The following ATAD2B variants were observed in gnomAD, a reference collection of about 807,000 sequenced individuals.
The protein encoded by ATAD2B is ATPase family AAA domain-containing protein 2B.
Under a neutral mutation model 167.6 loss-of-function variants are expected in ATAD2B, and 40 were observed. That is an observed-to-expected ratio of 0.24 (90% CI 0.19 to 0.31). ATAD2B has a LOEUF of 0.31. ATAD2B is among the 10% of genes least tolerant of loss of function. The pLI is 1.00. For missense variants in ATAD2B, 1,242 were observed against 1,757.2 expected (o/e 0.71, Z 5.24); for synonymous variants, 579 against 596.5 (o/e 0.97, Z 0.43).
the ATAD2B span, among the ~76,000 whole-genome samples, chr2:23,723,971 A>C: frequency 1.1e-4 from 16 of 152,370 alleles, no homozygotes; most frequent in South Asian, 3.3e-3. Flanking sequence ...CATTTGCAGA[A>C]ACATGGATGG....
chr2:23,679,065 AAG>A, the ATAD2B span, among the ~76,000 whole-genome samples: 1 of 152,036 alleles, frequency 6.6e-6, no homozygotes, highest in Non-Finnish European at 1.5e-5. Flanking sequence ...AAAAAAAAAA[AAG>A]AATTAGCCTC....
At chr2:23,924,604 G>A (rs369460353) in intron 1 of ATAD2B, among the ~76,000 whole-genome samples, 1 of 152,172 alleles carries the variant, frequency 6.6e-6, no homozygotes, top group East Asian at 1.9e-4. Context: ...AAAGCAATTA[G>A]ATGACTACAT....
At chr2:23,716,180 C>G in the ATAD2B span, among the ~76,000 whole-genome samples, 1 of 152,186 alleles carries the variant, frequency 6.6e-6, no homozygotes, top group African/African-American at 2.4e-5. Context: ...TTTGTTGCCA[C>G]AGTGAAATTG....
the ATAD2B span, among the ~76,000 whole-genome samples, chr2:23,687,731 TG>T: frequency 6.6e-6 from 1 of 151,690 alleles, no homozygotes. Flanking sequence ...GGCAGACAAG[TG>T]GGGAAGAGCA....
chr2:23,711,729 T>C, the ATAD2B span, among the ~76,000 whole-genome samples: 3 of 152,084 alleles, frequency 2.0e-5, no homozygotes, highest in Non-Finnish European at 4.4e-5. Flanking sequence ...CTATTTTGGG[T>C]ACCATAAGCA....
At chr2:23,743,297 T>C in the ATAD2B span, among the ~76,000 whole-genome samples, 1 of 152,164 alleles carries the variant, frequency 6.6e-6, no homozygotes, top group Non-Finnish European at 1.5e-5. Context: ...CCAGGCGCAG[T>C]AGCTCATGCC....
intron 17 of ATAD2B, among the ~76,000 whole-genome samples, chr2:23,813,220 G>C (rs1046447727): frequency 6.6e-6 from 1 of 151,076 alleles, no homozygotes; most frequent in African/African-American, 2.4e-5. Flanking sequence ...ATCACTATAT[G>C]AAAGAATTTC....
At chr2:23,781,431 G>A (rs767584641) in intron 22 of ATAD2B, among the ~76,000 whole-genome samples, 6 of 152,106 alleles carry the variant, frequency 3.9e-5, no homozygotes, top group Admixed American at 6.5e-5. Context: ...TTGGGAGACC[G>A]AGGCTGGCAG....
chr2:23,778,491 T>A (rs747836517), intron 22 of ATAD2B, among the ~76,000 whole-genome samples: 8 of 152,160 alleles, frequency 5.3e-5, no homozygotes, highest in African/African-American at 1.7e-4. Context: ...GCACAAAGTA[T>A]AAAGGGTCAT....
chr2:23,719,358 A>G, the ATAD2B span, among the ~76,000 whole-genome samples: 1 of 152,218 alleles, frequency 6.6e-6, no homozygotes, highest in African/African-American at 2.4e-5. Context: ...AGCAATCAAG[A>G]AAGCCAACCA....
chr2:23,716,547 T>C, the ATAD2B span, among the ~76,000 whole-genome samples: 1 of 152,182 alleles, frequency 6.6e-6, no homozygotes, highest in Non-Finnish European at 1.5e-5. Context: ...ACTACTGCAT[T>C]TGCTCTTTAG....
chr2:23,872,813 G>T, intron 8 of ATAD2B: 1 of 1,019,492 alleles, frequency 9.8e-7, no homozygotes, highest in Non-Finnish European at 1.5e-6. Context: ...TGTCCAGAGG[G>T]TCCAGATTGC....
Position 23,810,519 on chromosome 2 carries a change from A to C in ATAD2B, c.2268-17T>G. On this transcript the variant is annotated splice_polypyrimidine_tract_variant and intron_variant, in intron 17 of 27. Coordinates refer to ENST00000238789, the MANE Select transcript of ATAD2B (RefSeq NM_017552.4). ...TATGGTGACCTGTAATACATGTAAGACATAATTATTTCAAAGGCATACATT... is the reference window on the plus strand; with the variant it reads ...TATGGTGACCTGTAATACATGTAAGCCATAATTATTTCAAAGGCATACATT... 1 of 1,593,348 alleles carries C rather than the reference A, an allele frequency of 6.3e-7. No homozygotes were observed.
intron 17 of ATAD2B, among the ~76,000 whole-genome samples, chr2:23,814,452 T>C (rs1157702867): frequency 1.3e-5 from 2 of 152,172 alleles, no homozygotes; most frequent in African/African-American, 4.8e-5. Flanking sequence ...CTATGGAAGA[T>C]ACCAATTAGA....
rs1696749279 is a variant in ATAD2B, at chr2:23,875,902, G to A, written c.904C>T (p.Pro302Ser). ...VDRYQAPPIV[P>S]AHQKKRENTL... ...TTTTCCCTCTTTTTTTGATGAGCTG[G>A]TACTAAAAGGGAAGAAAAGGATAAT... is the stretch of plus-strand genomic sequence containing the variant. Residue 302 changes from proline to serine, a missense_variant and splice_region_variant, in exon 8 of 28, where the codon CCA (proline) becomes TCA (serine). Transcript: ENST00000238789. 1.3e-6 allele frequency: 2 copies of A among 1,596,370 alleles called. No homozygotes were observed. The highest frequency in any genetic ancestry group is 1.7e-6 in the Non-Finnish European group (2 of 1,167,282).
In ATAD2B at chr2:23,914,832, C is replaced by T. The variant is rs544252800; in HGVS notation, c.216+11723G>A. ...CACTCCAGCCTGGGCAACAGCGAGACTCCGTCTCAAAAAAAAAAAAAAAAG... is the reference window on the plus strand; with the variant it reads ...CACTCCAGCCTGGGCAACAGCGAGATTCCGTCTCAAAAAAAAAAAAAAAAG... On this transcript the variant is annotated intron_variant, in intron 1 of 27. Transcript: ENST00000238789. Among the ~76,000 whole-genome samples the T allele has an allele frequency of 1.6e-3, 242 of 148,958 alleles. 2 individuals are homozygous for T. The highest frequency in any genetic ancestry group is 5.7e-3 in the African/African-American group (231 of 40,624).
chr2:23,826,349 A>C (rs946752198), intron 15 of ATAD2B, among the ~76,000 whole-genome samples: 1 of 152,120 alleles, frequency 6.6e-6, no homozygotes, highest in South Asian at 2.1e-4. Flanking sequence ...ACATCTTTTC[A>C]CTCTCAAAGC....
At chr2:23,910,154 G>A (rs1702067300) in intron 1 of ATAD2B, among the ~76,000 whole-genome samples, 1 of 147,186 alleles carries the variant, frequency 6.8e-6, no homozygotes, top group African/African-American at 2.5e-5. Context: ...GTGAGCCACT[G>A]TGTCCACTCT....
the ATAD2B span, chr2:23,685,200 G>A: frequency 6.6e-6 from 1 of 152,200 alleles, no homozygotes; most frequent in African/African-American, 2.4e-5. Context: ...CCTCTGCCCT[G>A]GCTATTTCTA....
Sources: allele counts gnomAD v4.1 joint callset (sites outside exome capture counted in the v4.1 genomes callset), GRCh38; gene constraint gnomAD v4.1.1; transcripts MANE v1.5; gene names NCBI Gene and HGNC (gene_info 2026-07-23, HGNC 2026-07-21).